PI4KA: variants seen among roughly 807,000 people sequenced by gnomAD.
The protein encoded by PI4KA is phosphatidylinositol 4-kinase alpha, also known as PI4-kinase alpha.
A neutral mutation model predicts 271.4 loss-of-function variants in PI4KA; 122 were observed. That is an observed-to-expected ratio of 0.45 (90% CI 0.39 to 0.52). PI4KA has a LOEUF of 0.52. Ranked by LOEUF, PI4KA falls within the 20% of genes least tolerant of loss-of-function variation. The pLI is 0.00. For synonymous variants in PI4KA, 1,041 were observed against 1,078.8 expected (o/e 0.96, Z 0.69); for missense variants, 1,969 against 2,769.1 (o/e 0.71, Z 6.48).
intron 19 of PI4KA, among the ~76,000 whole-genome samples, chr22:20,785,100 T>C (rs1409148037): frequency 3.3e-5 from 5 of 151,018 alleles, no homozygotes; most frequent in Non-Finnish European, 5.9e-5. Context: ...GACAGGGTCT[T>C]GTTCTGTCAC....
At chr22:20,744,470 C>T (rs1185773694) in intron 30 of PI4KA, among the ~76,000 whole-genome samples, 158 bp downstream of exon 30, 1 of 152,168 alleles carries the variant, frequency 6.6e-6, no homozygotes, top group Non-Finnish European at 1.5e-5. Flanking sequence ...CTGGAATGTG[C>T]CAAGAATCCT....
chr22:20,723,979 C>T (rs556882178), intron 42 of PI4KA, among the ~76,000 whole-genome samples: 4 of 151,902 alleles, frequency 2.6e-5, no homozygotes, highest in Non-Finnish European at 4.4e-5. Context: ...GCTGGGACTA[C>T]GGGCTCCCGC....
chr22:20,788,268 T>C (rs180930520), intron 19 of PI4KA, among the ~76,000 whole-genome samples: 1 of 152,270 alleles, frequency 6.6e-6, no homozygotes, highest in East Asian at 1.9e-4. Flanking sequence ...TGGGTTCAAG[T>C]GCAGGTTGGC....
Position 20,765,234 on chromosome 22 carries a change from G to A in PI4KA, c.2440C>T (p.Leu814Phe). 3 of 1,607,092 alleles carry A rather than the reference G, an allele frequency of 1.9e-6. No individual in the cohort carries two copies. Among genetic ancestry groups the A allele is most frequent in the South Asian group, 1.1e-5 (1 of 90,142 alleles). Residue 814 changes from leucine to phenylalanine, a missense_variant and splice_region_variant, in exon 21 of 55, where the codon CTC becomes TTC. Physicochemically the swap from Leu to Phe is conservative, Grantham distance 22. Coordinates refer to ENST00000255882, the MANE Select transcript of PI4KA (RefSeq NM_058004.4). ...CCCTCGTACCATTCTTCTGGCCAGA[G>A]TCCTGCAATAAAGTGAACATAAATG... ...LMGFAVEGSG[L>F]WPEEWYEGVC...
In PI4KA at chr22:20,751,345, A is replaced by T; in HGVS notation, c.3101T>A (p.Ile1034Asn). The T allele has an allele frequency of 1.2e-6, 2 of 1,613,866 alleles. No individual in the cohort carries two copies. The highest frequency in any genetic ancestry group is 1.7e-6 in the Non-Finnish European group (2 of 1,179,930). Residue 1034 changes from isoleucine (I) to asparagine (N), a missense_variant, in exon 27 of 55, where the codon ATC becomes AAC. Ile to Asn is a moderately radical substitution (Grantham distance 149). Transcript: ENST00000255882. ...DIHKDQPYYD[I>N]PDAPYRITVP... ...CGTGATCCGGTAGGGGGCGTCGGGG[A>T]TGTCATAGTAAGGCTGATCCTTGTG... is the stretch of plus-strand genomic sequence containing the variant.
In PI4KA at chr22:20,729,693, T is replaced by C. The variant is rs769028186; in HGVS notation, c.4427A>G (p.Asn1476Ser). ...SKKSGMSKKT[N>S]RGSQLHKYYM... The stretch of plus-strand genomic sequence containing the variant: ...GTATTTGTGCAGCTGGGAGCCCCGG[T>C]TGGTTTTCTTAGACATGCCTAGGAG... Residue 1476 changes from asparagine (N) to serine (S), a missense_variant, in exon 38 of 55, where the codon AAC (asparagine) becomes AGC (serine). By Grantham distance (46) the Asn-to-Ser change is conservative. Around this residue, in one of 13 missense-constraint regions of PI4KA, gnomAD observed 388 missense variants for 521.5 expected, o/e 0.74. Transcript: ENST00000255882. 75 of 1,591,896 alleles carry C rather than the reference T, an allele frequency of 4.7e-5. No homozygotes were observed. The Middle Eastern group carries it at 6.6e-4, about 14-fold the overall frequency.
chr22:20,767,895 A>G (rs1211243479), intron 19 of PI4KA, among the ~76,000 whole-genome samples: 2 of 151,136 alleles, frequency 1.3e-5, no homozygotes, highest in Non-Finnish European at 2.9e-5. Flanking sequence ...TCAGCCTCCT[A>G]AAGTCCTGGG....
intron 19 of PI4KA, among the ~76,000 whole-genome samples, chr22:20,774,758 C>CAA (rs361993): frequency 0.013 from 1,359 of 107,318 alleles, 8 homozygotes; most frequent in Non-Finnish European, 0.019. Flanking sequence ...TAGACTCCGT[C>CAA]AAAAAAAAAA....
chr22:20,841,923 T>G (rs770424534), intron 1 of PI4KA, among the ~76,000 whole-genome samples: 6 of 152,100 alleles, frequency 3.9e-5, no homozygotes, highest in African/African-American at 9.7e-5. Flanking sequence ...TGTAAAAGGC[T>G]TGGAAATGAT....
intron 32 of PI4KA, among the ~76,000 whole-genome samples, chr22:20,740,276 T>A (rs1929267435): frequency 6.7e-6 from 1 of 149,304 alleles, no homozygotes; most frequent in African/African-American, 2.5e-5. Context: ...AAAAAAAAAA[T>A]TAACCAAATG....
In PI4KA at chr22:20,712,620, A is replaced by T. The variant is rs781584727; in HGVS notation, c.5677-9T>A. The T allele has an allele frequency of 4.1e-5, 64 of 1,578,632 alleles. No individual in the cohort carries two copies. Among genetic ancestry groups the T allele is most frequent in the Non-Finnish European group, 5.1e-5 (59 of 1,162,104 alleles). On this transcript the variant is annotated splice_polypyrimidine_tract_variant and intron_variant, in intron 49 of 54. Coordinates refer to ENST00000255882, the MANE Select transcript of PI4KA (RefSeq NM_058004.4). ...CACTCGATCACCCCGCACTAGGAGG[A>T]AAGGCCAGTTCTGAGGCCCGCTGGG...
chr22:20,750,137 T>C (rs960493144), intron 27 of PI4KA, 143 bp from the exon 28 acceptor site: 6 of 632,084 alleles, frequency 9.5e-6, no homozygotes, highest in Non-Finnish European at 1.7e-5. Context: ...TGGAACTCAT[T>C]TGGAGATAGG....
At chr22:20,773,348 T>C (rs1456322534) in intron 19 of PI4KA, among the ~76,000 whole-genome samples, 1 of 152,158 alleles carries the variant, frequency 6.6e-6, no homozygotes, top group East Asian at 1.9e-4. Context: ...ATCGCACCAC[T>C]GCACTCCAGC....
At chr22:20,810,514 A>C (rs1323927031) in intron 9 of PI4KA, among the ~76,000 whole-genome samples, 1 of 152,062 alleles carries the variant, frequency 6.6e-6, no homozygotes, top group Non-Finnish European at 1.5e-5. Flanking sequence ...ATCTCAAAAA[A>C]AAAAAAAAAG....
chr22:20,714,887 C>T (rs1925779851), intron 45 of PI4KA, among the ~76,000 whole-genome samples, 187 bp from the exon 46 acceptor site: 2 of 152,206 alleles, frequency 1.3e-5, no homozygotes, highest in Non-Finnish European at 2.9e-5. Flanking sequence ...GGTCCGTCCT[C>T]CTTGACTCTT....
At chr22:20,717,542 G>C (rs1468604808) in intron 45 of PI4KA, among the ~76,000 whole-genome samples, 166 bp downstream of exon 45, 2 of 152,252 alleles carry the variant, frequency 1.3e-5, no homozygotes, top group Non-Finnish European at 2.9e-5. Context: ...TTCTGGGGAG[G>C]GGCTGGGGTC....
chr22:20,742,555 C>A (rs1199583076), intron 31 of PI4KA, 53 bp downstream of exon 31: 3 of 1,602,946 alleles, frequency 1.9e-6, no homozygotes, highest in South Asian at 2.2e-5. Flanking sequence ...GTCATCAAGG[C>A]CAGCATTCAT....
chr22:20,837,426 A>G (rs1225204814), intron 2 of PI4KA, among the ~76,000 whole-genome samples: 1 of 152,212 alleles, frequency 6.6e-6, no homozygotes, highest in African/African-American at 2.4e-5. Context: ...TATGTATCTA[A>G]TTTTGGTTTT....
intron 23 of PI4KA, among the ~76,000 whole-genome samples, chr22:20,758,190 C>T (rs1319514469): frequency 1.3e-5 from 2 of 151,604 alleles, no homozygotes; most frequent in Non-Finnish European, 2.9e-5. Flanking sequence ...ACAGTGAAAC[C>T]CCGTCTCTAC....
Sources: allele counts gnomAD v4.1 joint callset (sites outside exome capture counted in the v4.1 genomes callset), GRCh38; gene constraint gnomAD v4.1.1; regional missense constraint gnomAD v4.1.1; transcripts MANE v1.5; gene names NCBI Gene and HGNC (gene_info 2026-07-23, HGNC 2026-07-21).